Variants in KLF8 observed in about 807,000 individuals in gnomAD.
KLF8 encodes KLF transcription factor 8.
Under a neutral mutation model 18.2 loss-of-function variants are expected in KLF8, and 10 were observed. The observed-to-expected ratio is 0.55, with a 90% CI of 0.34 to 0.93. The LOEUF (loss-of-function observed/expected upper bound fraction) is 0.93, where lower values mean the gene tolerates loss of function less well. Among genes scored for constraint, KLF8 ranks in the 40% least tolerant of loss-of-function variants. The pLI, the probability that KLF8 is intolerant of heterozygous loss-of-function variation, is 0.02. For missense variants in KLF8, 264 were observed against 277.9 expected (o/e 0.95, Z 0.36); for synonymous variants, 109 against 97.3 (o/e 1.12, Z -0.71).
chrX:56,268,665 T>C, intron 3 of KLF8: 2 of 773,940 alleles, frequency 2.6e-6, no homozygotes, highest in Non-Finnish European at 3.1e-6. Flanking sequence ...AGACAACTCT[T>C]TTAACCAAAT....
intron 5 of KLF8, among the ~76,000 whole-genome samples, chrX:56,278,625 G>A (rs2067154826): frequency 9.0e-6 from 1 of 111,453 alleles, no homozygotes; most frequent in Admixed American, 9.5e-5. Context: ...GGTTGGGGAA[G>A]GGGTGGTGCA....
At chrX:55,948,558 T>C in the KLF8 span, among the ~76,000 whole-genome samples, 11 of 112,115 alleles carry the variant, frequency 9.8e-5, no homozygotes, top group African/African-American at 3.6e-4. Context: ...CAACTGAGGA[T>C]CTTTTCAACT....
the KLF8 span, among the ~76,000 whole-genome samples, chrX:56,128,198 A>G: frequency 2.6e-4 from 29 of 112,318 alleles, no homozygotes; most frequent in Non-Finnish European, 4.5e-4. Context: ...CTTAGGATAG[A>G]GTGAATAGGA....
the KLF8 span, among the ~76,000 whole-genome samples, chrX:55,987,572 T>A: frequency 8.9e-6 from 1 of 112,330 alleles, no homozygotes; most frequent in Non-Finnish European, 1.9e-5. Context: ...GGTGTATATG[T>A]GCCACATTTT....
chrX:56,219,141 G>A, the KLF8 span, among the ~76,000 whole-genome samples: 8 of 111,783 alleles, frequency 7.2e-5, no homozygotes, highest in African/African-American at 1.9e-4. Flanking sequence ...TAGGCTCCAC[G>A]TTTGAATTTG....
the KLF8 span, among the ~76,000 whole-genome samples, chrX:56,226,539 T>C: frequency 8.9e-6 from 1 of 112,065 alleles, no homozygotes; most frequent in Non-Finnish European, 1.9e-5. Flanking sequence ...CTGGATGAAA[T>C]AACCTCTTTG....
chrX:55,908,594 C>T, the KLF8 span: 1 of 295,747 alleles, frequency 3.4e-6, no homozygotes, highest in African/African-American at 2.7e-5. Flanking sequence ...ACACTCTTTA[C>T]ACTCTTCTGC....
chrX:56,025,147 T>A, the KLF8 span, among the ~76,000 whole-genome samples: 1 of 112,584 alleles, frequency 8.9e-6, no homozygotes, highest in Non-Finnish European at 1.9e-5. Flanking sequence ...TTTTAAAGAC[T>A]GTGCTACATG....
At chrX:56,162,706 C>T in the KLF8 span, among the ~76,000 whole-genome samples, 5 of 111,726 alleles carry the variant, frequency 4.5e-5, no homozygotes, top group African/African-American at 1.6e-4. Flanking sequence ...TCCCTGACCC[C>T]TTGCACTTCC....
At chrX:56,244,521 G>A (rs745834423) in intron 1 of KLF8, among the ~76,000 whole-genome samples, 3 of 111,885 alleles carry the variant, frequency 2.7e-5, no homozygotes, top group South Asian at 7.6e-4. Flanking sequence ...GGAAATAATG[G>A]TGCCTACTAC....
chrX:56,093,886 G>A, the KLF8 span, among the ~76,000 whole-genome samples: 2 of 100,511 alleles, frequency 2.0e-5, no homozygotes, highest in African/African-American at 7.2e-5. Context: ...ATTGTAAATG[G>A]CAACAACGTA....
chrX:56,104,447 G>A, the KLF8 span, among the ~76,000 whole-genome samples: 3 of 111,097 alleles, frequency 2.7e-5, no homozygotes, highest in Non-Finnish European at 5.7e-5. Context: ...GTCTTGGGAG[G>A]GTGTATGTGC....
chrX:56,276,639 T>A (rs2067126742), intron 5 of KLF8, among the ~76,000 whole-genome samples: 1 of 111,746 alleles, frequency 8.9e-6, no homozygotes, highest in Non-Finnish European at 1.9e-5. Flanking sequence ...CTCCAGTGTA[T>A]GTTATTTCTT....
At chrX:56,191,131 T>A in the KLF8 span, among the ~76,000 whole-genome samples, 5 of 111,734 alleles carry the variant, frequency 4.5e-5, no homozygotes, top group Non-Finnish European at 7.5e-5. Flanking sequence ...GGAGATGTTA[T>A]AAATGATACT....
chrX:56,184,994 C>G, the KLF8 span, among the ~76,000 whole-genome samples: 1 of 112,637 alleles, frequency 8.9e-6, no homozygotes, highest in Non-Finnish European at 1.9e-5. Context: ...AACGCAGTTC[C>G]TTACCAGCAA....
At chrX:55,931,969 T>A in the KLF8 span, among the ~76,000 whole-genome samples, 1 of 110,737 alleles carries the variant, frequency 9.0e-6, no homozygotes, top group East Asian at 2.8e-4. Flanking sequence ...CAGTGAGGTG[T>A]TAATATCTCC....
chrX:56,270,766 C>T (rs975848508), intron 5 of KLF8, among the ~76,000 whole-genome samples: 1 of 110,432 alleles, frequency 9.1e-6, no homozygotes, highest in Non-Finnish European at 1.9e-5. Context: ...GAAATTAAAG[C>T]AGGTTGTAAT....
intron 3 of KLF8, chrX:56,267,536 T>C (rs2066987842): frequency 9.0e-6 from 1 of 110,552 alleles, no homozygotes; most frequent in Non-Finnish European, 1.9e-5. Flanking sequence ...AGAGATACAA[T>C]TCAAGTTGAG....
chrX:56,065,706 T>G, the KLF8 span, among the ~76,000 whole-genome samples: 1 of 111,703 alleles, frequency 9.0e-6, no homozygotes, highest in South Asian at 3.7e-4. Flanking sequence ...CAAAGATGGG[T>G]TTTTTTTAAA....
Sources: allele counts gnomAD v4.1 joint callset (sites outside exome capture counted in the v4.1 genomes callset), GRCh38; gene constraint gnomAD v4.1.1; transcripts MANE v1.5; gene names NCBI Gene and HGNC (gene_info 2026-07-23, HGNC 2026-07-21).